Variants in OSBPL10 observed in about 807,000 individuals in gnomAD.
OSBPL10 encodes the protein oxysterol-binding protein-related protein 10.
OSBPL10 carries 49 observed loss-of-function variants against 81.7 expected under a neutral mutation model. The ratio of observed to expected loss-of-function variants is 0.60; its 90% confidence interval spans 0.48 to 0.76. The LOEUF is 0.76. Ranked by LOEUF, OSBPL10 falls within the 30% of genes least tolerant of loss-of-function variation. OSBPL10 has a pLI of 0.00. For missense variants in OSBPL10, 923 were observed against 987.8 expected, an observed-to-expected ratio of 0.93 and a Z score of 0.88; for synonymous variants, 419 against 383.6, an observed-to-expected ratio of 1.09 and a Z score of -1.08.
chr3:31,944,432 A>G (rs72852952), intron 1 of OSBPL10, among the ~76,000 whole-genome samples: 1,723 of 152,328 alleles, frequency 0.011, 39 homozygotes, highest in African/African-American at 0.039. Flanking sequence ...ACTAAGGTTC[A>G]AGACATCTAG....
chr3:31,798,719 A>C (rs1055884590), intron 4 of OSBPL10, among the ~76,000 whole-genome samples: 15 of 152,144 alleles, frequency 9.9e-5, no homozygotes, highest in Admixed American at 7.9e-4. Flanking sequence ...AGTGCCAACT[A>C]AGTAAACTGT....
At chr3:31,942,755 T>C (rs1697575417) in intron 1 of OSBPL10, among the ~76,000 whole-genome samples, 1 of 152,124 alleles carries the variant, frequency 6.6e-6, no homozygotes, top group South Asian at 2.1e-4. Flanking sequence ...GCCACTGTCA[T>C]TGAAAGTAAA....
At chr3:31,837,368 TATATATAGTAAG>T (rs1700384628) in intron 3 of OSBPL10, among the ~76,000 whole-genome samples, 2 of 28,294 alleles carry the variant, frequency 7.1e-5, no homozygotes, top group East Asian at 1.6e-3. Flanking sequence ...TATATATATA[TATATATAGTAAG>T]TAACATAACA....
chr3:32,045,540 C>T (rs1034719135), intron 2 of OSBPL10, among the ~76,000 whole-genome samples: 2 of 152,168 alleles, frequency 1.3e-5, no homozygotes, highest in Non-Finnish European at 2.9e-5. Flanking sequence ...ATAGAATGAC[C>T]GTAAGCTTGG....
At chr3:31,972,204 C>T (rs1698586232) in intron 1 of OSBPL10, among the ~76,000 whole-genome samples, 1 of 152,206 alleles carries the variant, frequency 6.6e-6, no homozygotes, top group Admixed American at 6.5e-5. Flanking sequence ...GCCTGGCCAA[C>T]ATGATGAAAC....
chr3:32,055,696 C>T (rs1318995941), intron 1 of OSBPL10, among the ~76,000 whole-genome samples: 4 of 152,128 alleles, frequency 2.6e-5, no homozygotes, highest in South Asian at 2.1e-4. Context: ...TGACTGGAAT[C>T]GCCTGCTTTC....
intron 1 of OSBPL10, among the ~76,000 whole-genome samples, chr3:31,894,689 T>C (rs1199154029): frequency 6.6e-6 from 1 of 152,194 alleles, no homozygotes; most frequent in Non-Finnish European, 1.5e-5. Context: ...GAAACATTAT[T>C]GGGTTGAAGC....
chr3:31,865,620 A>G (rs1010056837), intron 3 of OSBPL10, among the ~76,000 whole-genome samples: 7 of 152,178 alleles, frequency 4.6e-5, no homozygotes, highest in African/African-American at 1.4e-4. Context: ...ATGTTGTTTA[A>G]AAGTATCCAG....
chr3:31,868,078 A>T (rs2125612048), intron 3 of OSBPL10, among the ~76,000 whole-genome samples: 1 of 150,998 alleles, frequency 6.6e-6, no homozygotes, highest in East Asian at 1.9e-4. Context: ...AAAGACGGGC[A>T]GGACGGACCT....
At chr3:31,752,642 C>T (rs979609755) in intron 4 of OSBPL10, among the ~76,000 whole-genome samples, 9 of 152,074 alleles carry the variant, frequency 5.9e-5, no homozygotes, top group Admixed American at 2.0e-4. Context: ...AAAGCTGAAA[C>T]GAAGATGCAA....
At chr3:31,758,203 T>A (rs1039242803) in intron 4 of OSBPL10, among the ~76,000 whole-genome samples, 3 of 152,222 alleles carry the variant, frequency 2.0e-5, no homozygotes, top group African/African-American at 7.2e-5. Flanking sequence ...GAGTTACTCA[T>A]TTCTCTGAGT....
In OSBPL10 at chr3:31,961,622, A is replaced by G. The variant is rs10212189; in HGVS notation, c.281+19277T>C. Among the ~76,000 whole-genome samples, 467 of 152,116 alleles carry G rather than the reference A, an allele frequency of 3.1e-3. 2 individuals are homozygous for G. The highest frequency in any genetic ancestry group is 0.011 in the African/African-American group (440 of 41,488). ...TATTTTATTTATTTATTTTTTAGAG[A>G]CAGGGTCTCACTCTATTTCCTAGGC... On this transcript the variant is annotated intron_variant, in intron 1 of 11. Transcript: ENST00000396556.
intron 1 of OSBPL10, among the ~76,000 whole-genome samples, chr3:31,908,965 T>TTC (rs1398116724): frequency 5.3e-5 from 8 of 151,902 alleles, no homozygotes; most frequent in African/African-American, 1.5e-4. Flanking sequence ...GTCAAGGGCC[T>TTC]TCTGAAACCA....
Position 31,988,027 on chromosome 3 carries a change from GAGA to G in OSBPL10, n.298+58461_298+58463del, listed in dbSNP as rs377716373. The stretch of plus-strand genomic sequence containing the variant: ...TCAGACAGGGAAGCCAAGAACCCCA[GAGA>G]AGTATTCCCAGGCCTTGAGACCTAA... On this transcript the variant is annotated intron_variant and non_coding_transcript_variant, in intron 2 of 3. Coordinates refer to the OSBPL10 transcript ENST00000479173. Among the ~76,000 whole-genome samples, 376 of 152,346 alleles carry G rather than the reference GAGA, an allele frequency of 2.5e-3. 1 individual carries two copies. The highest frequency in any genetic ancestry group is 0.014 in the South Asian group (70 of 4,830).
intron 4 of OSBPL10, among the ~76,000 whole-genome samples, chr3:31,793,733 G>A (rs561696111): frequency 6.6e-6 from 1 of 152,322 alleles, no homozygotes; most frequent in Admixed American, 6.5e-5. Context: ...AAACAATAGT[G>A]TGAATTTTTT....
upstream of OSBPL10, among the ~76,000 whole-genome samples, chr3:31,982,711 A>G (rs1000505626): frequency 2.6e-5 from 4 of 152,160 alleles, no homozygotes; most frequent in Non-Finnish European, 5.9e-5. Context: ...TCAGAGCTGA[A>G]TTCTAACCTA....
At chr3:31,816,729 C>T (rs180922170) in intron 4 of OSBPL10, among the ~76,000 whole-genome samples, 5 of 152,110 alleles carry the variant, frequency 3.3e-5, no homozygotes, top group Admixed American at 6.6e-5. Context: ...GTGAACAAGA[C>T]GAAGATGAGC....
intron 3 of OSBPL10, among the ~76,000 whole-genome samples, chr3:31,857,523 C>T (rs765130676): frequency 5.3e-5 from 8 of 151,950 alleles, no homozygotes; most frequent in East Asian, 2.0e-4. Context: ...TAGTGACCCA[C>T]GAGAACACAG....
chr3:31,686,530 C>T (rs74560197), intron 7 of OSBPL10, among the ~76,000 whole-genome samples: 4,153 of 152,310 alleles, frequency 0.027, 186 homozygotes, highest in African/African-American at 0.095. Flanking sequence ...GTTAACATAT[C>T]TGTCCGGGTG....
Sources: gnomAD v4.1 joint callset for allele counts (sites outside exome capture counted in the v4.1 genomes callset) on GRCh38, gnomAD v4.1.1 for gene constraint, MANE v1.5 for transcripts, NCBI Gene and HGNC (gene_info 2026-07-23, HGNC 2026-07-21) for gene names.